DHX36: variants seen among roughly 807,000 people sequenced by gnomAD.
The protein encoded by DHX36 is DEAH-box helicase 36.
Under a neutral mutation model 139.0 loss-of-function variants are expected in DHX36, and 50 were observed. That is an observed-to-expected ratio of 0.36 (90% confidence interval 0.29 to 0.46). The LOEUF (loss-of-function observed/expected upper bound fraction) is 0.46. Ranked by LOEUF, DHX36 falls within the 20% of genes least tolerant of loss-of-function variation. The pLI is 1.00. For synonymous variants in DHX36, 425 were observed against 401.9 expected, an observed-to-expected ratio of 1.06 and a Z score of -0.69; for missense variants, 1,024 against 1,211.3, an observed-to-expected ratio of 0.85 and a Z score of 2.29.
chr3:154,315,050 A>G lies in DHX36; in HGVS notation c.599T>C (p.Met200Thr). The change falls in exon 3 of 25, where the codon ATG (methionine) becomes ACG (threonine). Residue 200 changes from methionine to threonine, a missense_variant. Met to Thr is a moderately conservative substitution (Grantham distance 81, BLOSUM62 -1). Coordinates refer to ENST00000496811, the MANE Select transcript of DHX36 (RefSeq NM_020865.3). ...KKKNDLRYIE[M>T]QHFREKLPSY... ...TTTTTGACATCTTTCTACTACCTGC[A>G]TTTCAATATACCGAAGGTCATTTTT... The G allele has an allele frequency of 6.3e-7, 1 of 1,583,234 alleles. No homozygotes were observed. The highest frequency in any genetic ancestry group is 1.2e-5 in the South Asian group (1 of 86,650).
chr3:154,320,960 T>C (rs548994536), intron 1 of DHX36, among the ~76,000 whole-genome samples: 1 of 152,346 alleles, frequency 6.6e-6, no homozygotes, highest in East Asian at 1.9e-4. Flanking sequence ...AATGACTTGC[T>C]ACAGTCCTTA....
chr3:154,312,830 A>G (rs1712810335), intron 3 of DHX36, among the ~76,000 whole-genome samples: 1 of 137,170 alleles, frequency 7.3e-6, no homozygotes, highest in African/African-American at 2.7e-5. Flanking sequence ...TCCATCTCAA[A>G]AAAAAAAAAG....
intron 5 of DHX36, among the ~76,000 whole-genome samples, chr3:154,307,309 A>G (rs1278911845): frequency 1.3e-5 from 2 of 152,210 alleles, no homozygotes; most frequent in Admixed American, 6.5e-5. Flanking sequence ...AACAAAAGAA[A>G]TAATCAACAG....
At chr3:154,314,155 T>G (rs962248955) in intron 3 of DHX36, among the ~76,000 whole-genome samples, 1 of 152,214 alleles carries the variant, frequency 6.6e-6, no homozygotes, top group Non-Finnish European at 1.5e-5. Context: ...AGATTCTCAA[T>G]TAATTCATCC....
chr3:154,287,799 A>C (rs1711600426), intron 17 of DHX36, among the ~76,000 whole-genome samples: 1 of 152,116 alleles, frequency 6.6e-6, no homozygotes, highest in Admixed American at 6.6e-5. Context: ...GCAACCTAAC[A>C]GAAGACACTA....
intron 1 of DHX36, chr3:154,319,082 T>G: frequency 6.6e-6 from 1 of 152,190 alleles, no homozygotes; most frequent in Non-Finnish European, 1.5e-5. Context: ...AGAACATACC[T>G]TAATTCCAAA....
intron 16 of DHX36, among the ~76,000 whole-genome samples, chr3:154,289,265 C>G (rs952492816): frequency 6.6e-6 from 1 of 152,154 alleles, no homozygotes; most frequent in Non-Finnish European, 1.5e-5. Context: ...AGTGAACAAG[C>G]TGATTACTCA....
At chr3:154,311,218 C>T (rs1255081231) in intron 4 of DHX36, among the ~76,000 whole-genome samples, 1 of 151,954 alleles carries the variant, frequency 6.6e-6, no homozygotes, top group Non-Finnish European at 1.5e-5. Context: ...TATTATTCTA[C>T]ATAGGGTAAT....
rs72996641 is a variant in DHX36, at chr3:154,293,734, A to C, written c.1670+14T>G. 6.2e-7 allele frequency: 1 copy of C among 1,601,542 alleles called. No homozygotes were observed. Among genetic ancestry groups the C allele is most frequent in the African/African-American group, 1.3e-5 (1 of 74,662 alleles). ...ATGTAATCATCAGTATTTGATATTTAAAACTATTTTTACCTAGTCTCCGCA... is the reference window on the plus strand; with the variant it reads ...ATGTAATCATCAGTATTTGATATTTCAAACTATTTTTACCTAGTCTCCGCA... On this transcript the variant is annotated intron_variant, in intron 14 of 24. Transcript: ENST00000496811.
chr3:154,291,604 T>C (rs566616218), intron 15 of DHX36, among the ~76,000 whole-genome samples: 2 of 152,330 alleles, frequency 1.3e-5, no homozygotes, highest in Admixed American at 1.3e-4. Context: ...TGAAATCAAA[T>C]TATACTGGGA....
chr3:154,322,973 A>C (rs1713250804), intron 1 of DHX36, among the ~76,000 whole-genome samples: 1 of 152,244 alleles, frequency 6.6e-6, no homozygotes, highest in Non-Finnish European at 1.5e-5. Context: ...TAAATGGATA[A>C]GGCCCCCAAA....
chr3:154,324,124 G>C (rs1364915539), intron 1 of DHX36, 50 bp downstream of exon 1: 4 of 1,538,088 alleles, frequency 2.6e-6, no homozygotes, highest in Non-Finnish European at 8.8e-7. Flanking sequence ...GCGGGAGAGA[G>C]AAGAAAACCT....
intron 5 of DHX36, among the ~76,000 whole-genome samples, chr3:154,306,549 T>A (rs988526173): frequency 6.6e-6 from 1 of 152,166 alleles, no homozygotes; most frequent in African/African-American, 2.4e-5. Context: ...TTCTATAGCA[T>A]CCTCTCATTA....
At position 154,303,327 on chromosome 3, in the gene DHX36, A is replaced by C; in HGVS notation, c.1217+2T>G. On this transcript the variant is annotated splice_donor_variant, in intron 9 of 24. Coordinates refer to ENST00000496811, the MANE Select transcript of DHX36 (RefSeq NM_020865.3). LOFTEE classifies it high-confidence loss of function. ...GTTTTTTATTTCCTAATGTTTACTTACCTTATTTTTTCAATTACATCTTCC... is the reference window on the plus strand; with the variant it reads ...GTTTTTTATTTCCTAATGTTTACTTCCCTTATTTTTTCAATTACATCTTCC... The C allele has an allele frequency of 6.3e-7, 1 of 1,580,182 alleles. No homozygotes were observed. Among genetic ancestry groups the C allele is most frequent in the Non-Finnish European group, 8.6e-7 (1 of 1,157,160 alleles).
At position 154,276,758 on chromosome 3, in the gene DHX36, G is replaced by A. The variant is rs142222613; in HGVS notation, c.2830C>T (p.His944Tyr). ...IVFQSPARIAHLVKELRKELD... is the reference protein window; with the variant it reads ...IVFQSPARIAYLVKELRKELD... ...ATAAAGTCAGTCACCTTAACAAGATGGGCAATTCTTGCTGGAGACTGAAAT... is the reference window on the plus strand; with the variant it reads ...ATAAAGTCAGTCACCTTAACAAGATAGGCAATTCTTGCTGGAGACTGAAAT... Residue 944 changes from histidine to tyrosine, a missense_variant, in exon 24 of 25, where the codon CAT becomes TAT. Transcript: ENST00000496811. 8.1e-6 allele frequency: 13 copies of A among 1,613,622 alleles called. No homozygotes were observed. In the African/African-American group the frequency reaches 1.1e-4, roughly 13 times the overall value.
chr3:154,299,983 T>A, intron 11 of DHX36, 58 bp from the exon 12 acceptor site: 1 of 1,156,552 alleles, frequency 8.6e-7, no homozygotes, highest in Non-Finnish European at 1.3e-6. Context: ...GCAGTAACAG[T>A]AAAATTGTGT....
intron 1 of DHX36, among the ~76,000 whole-genome samples, chr3:154,322,260 C>G (rs955928867): frequency 1.3e-5 from 2 of 152,180 alleles, no homozygotes; most frequent in East Asian, 1.9e-4. Context: ...GAGAACATGT[C>G]AAGATGCAAC....
chr3:154,286,202 A>G (rs1711548774), intron 17 of DHX36, among the ~76,000 whole-genome samples: 2 of 149,458 alleles, frequency 1.3e-5, no homozygotes, highest in Admixed American at 1.3e-4. Flanking sequence ...ACACCAACAA[A>G]CACTTTACTC....
chr3:154,295,530 T>C (rs773032831), intron 12 of DHX36, among the ~76,000 whole-genome samples, 191 bp from the exon 13 acceptor site: 2 of 152,192 alleles, frequency 1.3e-5, no homozygotes, highest in African/African-American at 4.8e-5. Flanking sequence ...GAACCAAAAA[T>C]TCTTTATTTT....
Sources: gnomAD v4.1 joint callset for allele counts (sites outside exome capture counted in the v4.1 genomes callset) on GRCh38, gnomAD v4.1.1 for gene constraint, MANE v1.5 for transcripts, NCBI Gene and HGNC (gene_info 2026-07-23, HGNC 2026-07-21) for gene names.